PPT2: variants seen among roughly 807,000 people sequenced by gnomAD.
PPT2 encodes palmitoyl-protein thioesterase 2.
A neutral mutation model predicts 37.3 loss-of-function variants in PPT2; 20 were observed. The observed-to-expected ratio is 0.54, with a 90% CI of 0.38 to 0.78. The LOEUF (loss-of-function observed/expected upper bound fraction) is 0.78. Ranked by LOEUF, PPT2 falls within the 30% of genes least tolerant of loss-of-function variation. PPT2 has a pLI of 0.00. For synonymous variants in PPT2, 135 were observed against 159.1 expected, an observed-to-expected ratio of 0.85 and a Z score of 1.14; for missense variants, 270 against 389.8, an observed-to-expected ratio of 0.69 and a Z score of 2.59.
At position 32,163,465 on chromosome 6, in the gene PPT2, T is replaced by C. The variant is rs1436680726; in HGVS notation, c.*515T>C. The C allele has an allele frequency of 6.3e-6, 1 of 158,752 alleles. No homozygotes were observed. Among genetic ancestry groups the C allele is most frequent in the Non-Finnish European group, 1.4e-5 (1 of 71,564 alleles). 9.8% of individuals were successfully genotyped at this position (158,752 alleles called of 1,614,324 possible). A position where few individuals can be genotyped will look rare whatever the true frequency, so the allele number is the denominator to read the frequency against. On this transcript the variant is annotated 3_prime_UTR_variant, in exon 9 of 9. Transcript: ENST00000324816. The stretch of plus-strand genomic sequence containing the variant: ...AGAGTGGGGTTCTGAGGCTCCCCTA[T>C]GGGGACAGTTCCGTTCTTGAAGTGT...
At chr6:32,153,751 A>G, upstream of PPT2, 1 of 1,328,290 alleles carries the variant, frequency 7.5e-7, no homozygotes, top group East Asian at 2.5e-5. The surrounding 1 kb of genome is among the most constrained non-coding windows in gnomAD (Gnocchi z 4.4). Flanking sequence ...CACACGGCAA[A>G]ATGCAGAGGA....
chr6:32,153,625 G>A (rs754854254), upstream of PPT2: 4 of 1,348,588 alleles, frequency 3.0e-6, no homozygotes, highest in Non-Finnish European at 3.9e-6. The surrounding 1 kb of genome is among the most constrained non-coding windows in gnomAD (Gnocchi z 4.4). Context: ...ACGCACTTCA[G>A]AATGAAGAGT....
chr6:32,154,371 G>T lies in PPT2; in HGVS notation c.-42G>T. 1.4e-6 allele frequency: 2 copies of T among 1,426,142 alleles called. No homozygotes were observed. Among genetic ancestry groups the T allele is most frequent in the Non-Finnish European group, 1.8e-6 (2 of 1,094,722 alleles). The allele number at this position is 1,426,142 out of a possible 1,614,324, so 88.3% of individuals were successfully genotyped here. A position where few individuals can be genotyped will look rare whatever the true frequency, so the allele number is the denominator to read the frequency against. On this transcript the variant is annotated 5_prime_UTR_variant, in exon 1 of 9. Transcript: ENST00000324816. This position sits in a 1 kb window ranked among gnomAD's most constrained non-coding sequence, Gnocchi z 7.3. ...GACCTAGAGAACAAGTCCCCCGAAC[G>T]CTGAGTTGGAGGCGGGACTTCGGGT... is the stretch of plus-strand genomic sequence containing the variant.
chr6:32,158,079 CAT>C, intron 7 of PPT2, 155 bp downstream of exon 7: 1 of 636,356 alleles, frequency 1.6e-6, no homozygotes, highest in South Asian at 2.0e-5. Context: ...ACCTGGGAGT[CAT>C]ATCCCAACCC....
At chr6:32,153,895 G>T, upstream of PPT2, 1 of 1,268,250 alleles carries the variant, frequency 7.9e-7, no homozygotes, top group South Asian at 1.7e-5. This position sits in a 1 kb window ranked among gnomAD's most constrained non-coding sequence, Gnocchi z 4.4. Context: ...GTCGCTGGGG[G>T]CAACGAAGCC....
chr6:32,157,943 G>T lies in PPT2; in HGVS notation c.710+19G>T. On this transcript the variant is annotated intron_variant, in intron 7 of 8. Transcript: ENST00000324816. ...AGTCCAGGTAATAAGGGATTTTGTG[G>T]CCTGAAGATTGGCTAAAGACATCCC... 1.3e-6 allele frequency: 2 copies of T among 1,589,710 alleles called. No individual in the cohort carries two copies. Among genetic ancestry groups the T allele is most frequent in the Non-Finnish European group, 1.7e-6 (2 of 1,160,446 alleles).
Position 32,161,585 on chromosome 6 carries a change from G to T in PPT2, c.711-983G>T, listed in dbSNP as rs535198833. ...ATTACAGGCATGAGCCACCACACCT[G>T]GCCTCTTTTTTTTTTTTTTTTGAGA... On this transcript the variant is annotated intron_variant, in intron 7 of 8. Coordinates refer to ENST00000324816, the MANE Select transcript of PPT2 (RefSeq NM_005155.7). Among the ~76,000 whole-genome samples, 5 of 129,332 alleles carry T rather than the reference G, an allele frequency of 3.9e-5. No homozygotes were observed. In the South Asian group the frequency reaches 7.6e-4, roughly 20 times the overall value. 84.8% of individuals were successfully genotyped at this position (129,332 alleles called of 152,430 possible).
At chr6:32,158,050 C>A in intron 7 of PPT2, 126 bp downstream of exon 7, 1 of 840,726 alleles carries the variant, frequency 1.2e-6, no homozygotes, top group Non-Finnish European at 1.8e-6. Flanking sequence ...CCCCATTCAT[C>A]ATGTCACCCA....
upstream of PPT2, chr6:32,153,835 G>T (rs17201665): frequency 3.9e-3 from 4,053 of 1,037,226 alleles, 117 homozygotes; most frequent in African/African-American, 0.058. The surrounding 1 kb of genome is among the most constrained non-coding windows in gnomAD (Gnocchi z 4.4). Context: ...GGAGCCAGAC[G>T]CCTGTATTGG....
chr6:32,159,760 C>T (rs376773185), intron 7 of PPT2, among the ~76,000 whole-genome samples: 13 of 146,640 alleles, frequency 8.9e-5, no homozygotes, highest in Non-Finnish European at 1.5e-5. Context: ...TTGTTCTTGT[C>T]GCCCAGGCTA....
Position 32,154,570 on chromosome 6 carries a change from T to TG in PPT2, c.-8-17_-8-16insG, listed in dbSNP as rs1783601018. On this transcript the variant is annotated splice_polypyrimidine_tract_variant and intron_variant, in intron 1 of 8. Coordinates refer to ENST00000324816, the MANE Select transcript of PPT2 (RefSeq NM_005155.7). This position sits in a 1 kb window ranked among gnomAD's most constrained non-coding sequence, Gnocchi z 7.3. ...TGTTGCCATCTCCCTCACATGCCCT[T>TG]ATCACCCCTTTCTCAGGCGGGAGCA... is the stretch of plus-strand genomic sequence containing the variant. 6.2e-7 allele frequency: 1 copy of TG among 1,602,322 alleles called. No individual in the cohort carries two copies. Among genetic ancestry groups the TG allele is most frequent in the Admixed American group, 1.7e-5 (1 of 59,480 alleles).
rs1783575092 is a variant in PPT2 at position 32,154,306 on chromosome 6, G to A, written c.-107G>A. 1.5e-6 allele frequency: 2 copies of A among 1,361,694 alleles called. No individual in the cohort carries two copies. The highest frequency in any genetic ancestry group is 1.5e-5 in the African/African-American group (1 of 67,914). The allele number at this position is 1,361,694 out of a possible 1,614,324, so 84.4% of individuals were successfully genotyped here. On this transcript the variant is annotated 5_prime_UTR_variant, in exon 1 of 9. Transcript: ENST00000324816. This position sits in a 1 kb window ranked among gnomAD's most constrained non-coding sequence, Gnocchi z 7.3. ...CTGCTCACGGGTATTAAAGAACTCCGCGTTGTTCATGGCTGAGGCGATGCA... is the reference window on the plus strand; with the variant it reads ...CTGCTCACGGGTATTAAAGAACTCCACGTTGTTCATGGCTGAGGCGATGCA...
chr6:32,162,515 C>G lies in PPT2; in HGVS notation c.711-53C>G, dbSNP rs938042444. Reference sequence around the variant, plus strand: ...AATTACAGGCGTGTGCCACTGCGCCCGGCCAGATTTTCTCCAGCTCTTCTG... The same window carrying G: ...AATTACAGGCGTGTGCCACTGCGCCGGGCCAGATTTTCTCCAGCTCTTCTG... On this transcript the variant is annotated intron_variant, in intron 7 of 8. Coordinates refer to ENST00000324816, the MANE Select transcript of PPT2 (RefSeq NM_005155.7). This position sits in a 1 kb window ranked among gnomAD's most constrained non-coding sequence, Gnocchi z 5.5. 3 of 1,537,772 alleles carry G rather than the reference C, an allele frequency of 2.0e-6. No homozygotes were observed. Among genetic ancestry groups the G allele is most frequent in the East Asian group, 4.5e-5 (2 of 44,492 alleles).
chr6:32,158,147 AC>A (rs1335209196), intron 7 of PPT2: 3 of 460,506 alleles, frequency 6.5e-6, no homozygotes, highest in Non-Finnish European at 1.1e-5. Flanking sequence ...CATCCCTATC[AC>A]CCCCTCCCCC....
chr6:32,157,749 C>A, intron 6 of PPT2, 29 bp downstream of exon 6: 3 of 1,568,806 alleles, frequency 1.9e-6, no homozygotes, highest in Non-Finnish European at 2.6e-6. Context: ...ACCTGTGTTG[C>A]TTTTTCTGCT....
Position 32,162,721 on chromosome 6 carries a change from G to T in PPT2, c.766-86G>T. The T allele has an allele frequency of 1.9e-6, 3 of 1,580,568 alleles. No homozygotes were observed. The Admixed American group carries it at 5.0e-5, about 26-fold the overall frequency. On this transcript the variant is annotated intron_variant, in intron 8 of 8. Coordinates refer to ENST00000324816, the MANE Select transcript of PPT2 (RefSeq NM_005155.7). This position sits in a 1 kb window ranked among gnomAD's most constrained non-coding sequence, Gnocchi z 5.5. The stretch of plus-strand genomic sequence containing the variant: ...AGCTGAAGGGTTCACCCTGTGGGGA[G>T]GAGGTCCAGGATCCCAGCAGTAACT...
Position 32,154,674 on chromosome 6 carries a change from C to A in PPT2, c.80C>A (p.Ala27Glu). Reference sequence around the variant, plus strand: ...CCTTTCCTGCCGCTGCTGCTGCTTGCAGCCCCCGCGCCCCACCGCGCGTCC... The same window carrying A: ...CCTTTCCTGCCGCTGCTGCTGCTTGAAGCCCCCGCGCCCCACCGCGCGTCC... ...LLPFLPLLLL[A>E]APAPHRASYK... Residue 27 changes from alanine (A) to glutamate (E), a missense_variant, in exon 2 of 9, where the codon GCA becomes GAA. Coordinates refer to ENST00000324816, the MANE Select transcript of PPT2 (RefSeq NM_005155.7). This position sits in a 1 kb window ranked among gnomAD's most constrained non-coding sequence, Gnocchi z 7.3. 1 of 1,612,962 alleles carries A rather than the reference C, an allele frequency of 6.2e-7. No individual in the cohort carries two copies. Among genetic ancestry groups the A allele is most frequent in the Admixed American group, 1.7e-5 (1 of 60,020 alleles).
At chr6:32,160,121 T>G (rs556237487) in intron 7 of PPT2, among the ~76,000 whole-genome samples, 1 of 151,906 alleles carries the variant, frequency 6.6e-6, no homozygotes, top group South Asian at 2.1e-4. Context: ...CTCGGCTCAC[T>G]GCAAGCTCTG....
At position 32,163,025 on chromosome 6, in the gene PPT2, T is replaced by C; in HGVS notation, c.*75T>C. 1 of 1,481,952 alleles carries C rather than the reference T, an allele frequency of 6.7e-7. No homozygotes were observed. The highest frequency in any genetic ancestry group is 9.2e-7 in the Non-Finnish European group (1 of 1,088,962). The allele number at this position is 1,481,952 out of a possible 1,614,324, so 91.8% of individuals were successfully genotyped here. ...TGGCCTTGGAAAGCAGATGTCAGGC[T>C]TTGGTGTGCCTGTGACCACCTCATT... On this transcript the variant is annotated 3_prime_UTR_variant, in exon 9 of 9. Transcript: ENST00000324816.
Sources: gnomAD v4.1 joint callset for allele counts (sites outside exome capture counted in the v4.1 genomes callset) on GRCh38, gnomAD v4.1.1 for gene constraint, Gnocchi (gnomAD v3.1) non-coding constraint, MANE v1.5 for transcripts, NCBI Gene and HGNC (gene_info 2026-07-23, HGNC 2026-07-21) for gene names.